GRID2: variants seen among roughly 807,000 people sequenced by gnomAD.
GRID2 encodes glutamate receptor ionotropic, delta-2.
In GRID2, 33 loss-of-function variants were observed where a neutral mutation model predicts 114.8. That is an observed-to-expected ratio of 0.29 (90% CI 0.22 to 0.38). The LOEUF is 0.38. Among genes scored for constraint, GRID2 ranks in the 10% least tolerant of loss-of-function variants. The pLI is 1.00. For synonymous variants in GRID2, 505 were observed against 449.9 expected, an observed-to-expected ratio of 1.12 and a Z score of -1.55; for missense variants, 1,184 against 1,257.7, an observed-to-expected ratio of 0.94 and a Z score of 0.89.
At chr4:92,449,711 A>G (rs1012692694) in intron 1 of GRID2, among the ~76,000 whole-genome samples, 32 of 130,140 alleles carry the variant, frequency 2.5e-4, no homozygotes, top group African/African-American at 9.0e-4. Flanking sequence ...ATATATATAT[A>G]ACACTTAAGC....
intron 6 of GRID2, among the ~76,000 whole-genome samples, chr4:93,221,594 G>C (rs1487939758): frequency 2.0e-5 from 3 of 152,148 alleles, no homozygotes; most frequent in Non-Finnish European, 4.4e-5. Flanking sequence ...AAAATGATGA[G>C]AGATAGTTTG....
rs1196485491 is a variant in GRID2 at position 92,647,908 on chromosome 4, A to T, written c.244+57622A>T. Among the ~76,000 whole-genome samples, 19 of 149,808 alleles carry T rather than the reference A, an allele frequency of 1.3e-4. 1 individual carries two copies. The highest frequency in any genetic ancestry group is 4.7e-4 in the African/African-American group (19 of 40,028). ...TAGACAGAATGGCCTAGTTTCACTT[A>T]TGTGAAAATTCTCTTGTATGATATG... is the stretch of plus-strand genomic sequence containing the variant. On this transcript the variant is annotated intron_variant, in intron 2 of 15. Transcript: ENST00000282020.
chr4:92,759,329 T>C (rs1423482119), intron 2 of GRID2, among the ~76,000 whole-genome samples: 2 of 152,186 alleles, frequency 1.3e-5, no homozygotes, highest in African/African-American at 2.4e-5. Flanking sequence ...TCTGTCAAGT[T>C]GGCCTTGTTG....
chr4:92,503,435 A>G (rs1005955648), intron 1 of GRID2, among the ~76,000 whole-genome samples: 2 of 152,104 alleles, frequency 1.3e-5, no homozygotes, highest in Admixed American at 6.6e-5. Flanking sequence ...AGTTTACACT[A>G]TGGTTCTATC....
intron 2 of GRID2, among the ~76,000 whole-genome samples, chr4:92,882,234 G>T (rs1578380010): frequency 6.6e-6 from 1 of 152,320 alleles, no homozygotes; most frequent in East Asian, 1.9e-4. Flanking sequence ...ATCAGAAGCT[G>T]TGAACGCTGC....
intron 2 of GRID2, among the ~76,000 whole-genome samples, chr4:92,774,047 T>G (rs546461863): frequency 6.6e-6 from 1 of 152,252 alleles, no homozygotes; most frequent in African/African-American, 2.4e-5. Flanking sequence ...GTTATAAATA[T>G]AACTAAATAA....
intron 2 of GRID2, among the ~76,000 whole-genome samples, chr4:92,995,179 C>A (rs1260711019): frequency 1.3e-5 from 2 of 152,132 alleles, no homozygotes; most frequent in Non-Finnish European, 2.9e-5. Context: ...TCAGTGTATA[C>A]AAATTTTATG....
chr4:93,033,559 T>C (rs539413463), intron 2 of GRID2, among the ~76,000 whole-genome samples: 1 of 152,230 alleles, frequency 6.6e-6, no homozygotes, highest in Admixed American at 6.5e-5. Flanking sequence ...TGACTGATCT[T>C]AGGAGGTCTA....
chr4:92,992,408 T>C (rs1754962139), intron 2 of GRID2, among the ~76,000 whole-genome samples: 1 of 152,158 alleles, frequency 6.6e-6, no homozygotes, highest in South Asian at 2.1e-4. Context: ...GCCTCAAATG[T>C]GTTGAATTAT....
intron 1 of GRID2, among the ~76,000 whole-genome samples, chr4:92,455,878 AT>A (rs1160033669): frequency 3.3e-5 from 5 of 152,172 alleles, no homozygotes; most frequent in African/African-American, 1.2e-4. Flanking sequence ...GATTTGATTG[AT>A]TAATTACAGT....
chr4:92,745,803 A>G lies in GRID2; in HGVS notation c.244+155517A>G, dbSNP rs184225074. Among the ~76,000 whole-genome samples, 584 of 152,256 alleles carry G rather than the reference A, an allele frequency of 3.8e-3. 4 individuals are homozygous for G. The highest frequency in any genetic ancestry group is 0.013 in the African/African-American group (540 of 41,550). ...GGAAGTTTATAATATATTTAAATAC[A>G]AAAAGACCATGTAGCAAATTCAATG... On this transcript the variant is annotated intron_variant, in intron 2 of 15. Transcript: ENST00000282020.
chr4:92,636,746 A>G (rs1377405053), intron 2 of GRID2, among the ~76,000 whole-genome samples: 1 of 152,040 alleles, frequency 6.6e-6, no homozygotes, highest in Non-Finnish European at 1.5e-5. Context: ...GCCAACACAC[A>G]CAGATCCCAG....
intron 1 of GRID2, among the ~76,000 whole-genome samples, chr4:93,799,021 C>G (rs111712299): frequency 3.3e-5 from 5 of 152,170 alleles, no homozygotes; most frequent in Non-Finnish European, 7.4e-5. Flanking sequence ...ACAGGAGCTC[C>G]GATCTCAGCT....
intron 1 of GRID2, among the ~76,000 whole-genome samples, chr4:92,374,452 G>A (rs540232128): frequency 2.0e-5 from 3 of 152,112 alleles, no homozygotes; most frequent in South Asian, 4.2e-4. Flanking sequence ...GGGTTTTATT[G>A]AAGTCTCATG....
At chr4:92,646,923 G>T in intron 2 of GRID2, among the ~76,000 whole-genome samples, 1 of 145,754 alleles carries the variant, frequency 6.9e-6, no homozygotes, top group South Asian at 2.1e-4. Context: ...TTTTCCTCAA[G>T]CCTTTATCCT....
intron 8 of GRID2, among the ~76,000 whole-genome samples, chr4:93,273,367 A>G (rs1751703663): frequency 6.6e-6 from 1 of 152,174 alleles, no homozygotes; most frequent in Admixed American, 6.6e-5. Context: ...TTCATTTTTA[A>G]AAAGAAAAAT....
chr4:93,119,322 T>A (rs1287143381), intron 4 of GRID2, among the ~76,000 whole-genome samples: 1 of 152,158 alleles, frequency 6.6e-6, no homozygotes, highest in African/African-American at 2.4e-5. Flanking sequence ...TAAATATAGA[T>A]TGGAATGATA....
chr4:93,128,334 A>G (rs370812295), intron 4 of GRID2, among the ~76,000 whole-genome samples: 8 of 152,270 alleles, frequency 5.3e-5, no homozygotes, highest in African/African-American at 1.9e-4. Flanking sequence ...ATTTTAGTGT[A>G]TGTGCTTATA....
chr4:92,939,292 G>A (rs1409508397), intron 2 of GRID2, among the ~76,000 whole-genome samples: 1 of 147,506 alleles, frequency 6.8e-6, no homozygotes, highest in African/African-American at 2.4e-5. Context: ...TTGTGGTTTT[G>A]ATTTGCATTT....
Sources: allele counts gnomAD v4.1 joint callset (sites outside exome capture counted in the v4.1 genomes callset), GRCh38; gene constraint gnomAD v4.1.1; transcripts MANE v1.5; gene names NCBI Gene and HGNC (gene_info 2026-07-23, HGNC 2026-07-21).